The following CCDC158 variants were observed in gnomAD, a reference collection of about 807,000 sequenced individuals.
CCDC158 encodes coiled-coil domain containing 158.
In CCDC158, 116 loss-of-function variants were observed where a neutral mutation model predicts 138.6. The ratio of observed to expected loss-of-function variants is 0.84; its 90% CI spans 0.72 to 0.98. CCDC158 has a LOEUF of 0.98. Ranked by LOEUF, CCDC158 falls within the 50% of genes least tolerant of loss-of-function variation. The pLI, the probability that CCDC158 is intolerant of heterozygous loss-of-function variation, is 0.00. For synonymous variants in CCDC158, 436 were observed against 442.4 expected, an observed-to-expected ratio of 0.99 and a Z score of 0.18; for missense variants, 1,265 against 1,306.1, an observed-to-expected ratio of 0.97 and a Z score of 0.48.
At chr4:76,371,281 T>A (rs1043382015) in intron 10 of CCDC158, 136 bp downstream of exon 10, 37 of 833,084 alleles carry the variant, frequency 4.4e-5, no homozygotes, top group Non-Finnish European at 6.4e-5. Context: ...TTGAATTGTG[T>A]CTAAAATAAT....
At chr4:76,402,445 C>T (rs1262063391) in intron 3 of CCDC158, among the ~76,000 whole-genome samples, 1 of 152,214 alleles carries the variant, frequency 6.6e-6, no homozygotes, top group African/African-American at 2.4e-5. Flanking sequence ...CGTGGTTCTA[C>T]CTCTAGCTTC....
intron 16 of CCDC158, 133 bp from the exon 17 acceptor site, chr4:76,351,945 C>T: frequency 1.7e-6 from 1 of 605,170 alleles, no homozygotes; most frequent in South Asian, 2.2e-5. Flanking sequence ...TTACAATGAT[C>T]TATTTATCTG....
intron 21 of CCDC158, among the ~76,000 whole-genome samples, chr4:76,329,353 A>G (rs1720811805): frequency 6.6e-6 from 1 of 152,132 alleles, no homozygotes. Context: ...TCGGAGGCTG[A>G]CGCAGGTGGA....
chr4:76,409,989 G>A (rs1729165997), intron 2 of CCDC158, among the ~76,000 whole-genome samples: 1 of 151,856 alleles, frequency 6.6e-6, no homozygotes, highest in African/African-American at 2.4e-5. Flanking sequence ...CTTAGGCTTT[G>A]TTATATAGCT....
At chr4:76,395,168 C>T (rs1357183532) in intron 4 of CCDC158, among the ~76,000 whole-genome samples, 1 of 152,096 alleles carries the variant, frequency 6.6e-6, no homozygotes. Context: ...TCATTAGTGC[C>T]TCTGTGCTTC....
At chr4:76,381,688 T>G (rs1314817364) in intron 8 of CCDC158, among the ~76,000 whole-genome samples, 2 of 152,182 alleles carry the variant, frequency 1.3e-5, no homozygotes, top group East Asian at 3.8e-4. Flanking sequence ...TAATTATATT[T>G]TTTTTATTTT....
At position 76,351,016 on chromosome 4, in the gene CCDC158, T is replaced by C; in HGVS notation, c.2644A>G (p.Thr882Ala). ...SHSNVPSSQS[T>A]ASFLSHHSTK... ...CTTACATGAGACAGGAAGCTGGCTG[T>C]AGACTGCGAAGATGGTACATTAGAA... The change falls in exon 18 of 25, where the codon ACA becomes GCA. Residue 882 changes from threonine to alanine, a missense_variant. Thr to Ala is a moderately conservative substitution (Grantham distance 58, BLOSUM62 0). Coordinates refer to ENST00000682701, the MANE Select transcript of CCDC158 (RefSeq NM_001394954.1). The C allele has an allele frequency of 6.2e-7, 1 of 1,613,914 alleles. No individual in the cohort carries two copies. Among genetic ancestry groups the C allele is most frequent in the Non-Finnish European group, 8.5e-7 (1 of 1,179,850 alleles).
At chr4:76,378,326 A>T (rs1005865529) in intron 9 of CCDC158, among the ~76,000 whole-genome samples, 2 of 152,184 alleles carry the variant, frequency 1.3e-5, no homozygotes, top group African/African-American at 4.8e-5. Context: ...TTCATTTTAT[A>T]AAGGGAGTAT....
chr4:76,366,702 G>A lies in CCDC158; in HGVS notation c.1830+592C>T, dbSNP rs969110300. On this transcript the variant is annotated intron_variant, in intron 12 of 24. Coordinates refer to ENST00000682701, the MANE Select transcript of CCDC158 (RefSeq NM_001394954.1). ...CCAGGTTTTAACAGGTACAAATAAA[G>A]TATGAGAAAGTTCAGAAGGAGACCA... is the stretch of plus-strand genomic sequence containing the variant. Among the ~76,000 whole-genome samples the A allele has an allele frequency of 2.6e-5, 4 of 151,580 alleles. No homozygotes were observed. In the South Asian group the frequency reaches 8.3e-4, roughly 32 times the overall value.
chr4:76,322,276 GC>G (rs1228191766), intron 24 of CCDC158, among the ~76,000 whole-genome samples: 6 of 152,138 alleles, frequency 3.9e-5, no homozygotes, highest in Admixed American at 2.0e-4. Context: ...ATTTGCTAAA[GC>G]CTTACTATAT....
chr4:76,409,696 T>C (rs552619008), intron 2 of CCDC158, among the ~76,000 whole-genome samples: 1 of 152,128 alleles, frequency 6.6e-6, no homozygotes, highest in African/African-American at 2.4e-5. Flanking sequence ...CCAGGTGTGG[T>C]GGCGGGCGCC....
chr4:76,327,350 C>A (rs906858071), intron 22 of CCDC158, among the ~76,000 whole-genome samples: 3 of 152,078 alleles, frequency 2.0e-5, no homozygotes, highest in African/African-American at 7.2e-5. Flanking sequence ...AATATAGTTA[C>A]AATTAACAAT....
At chr4:76,414,147 G>T (rs1490402555) in intron 1 of CCDC158, 1 of 152,128 alleles carries the variant, frequency 6.6e-6, no homozygotes, top group Non-Finnish European at 1.5e-5. Flanking sequence ...GAACTCCAGG[G>T]ATCTGTCTGT....
At chr4:76,350,855 T>C (rs746438006) in intron 18 of CCDC158, 141 bp downstream of exon 18, 6 of 685,484 alleles carry the variant, frequency 8.8e-6, no homozygotes, top group African/African-American at 1.9e-5. Context: ...ATTGAATTTA[T>C]AGGAAAATGT....
chr4:76,396,901 C>T (rs923012035), intron 3 of CCDC158, among the ~76,000 whole-genome samples: 7 of 152,008 alleles, frequency 4.6e-5, no homozygotes, highest in African/African-American at 1.5e-4. Flanking sequence ...TATTGAACCC[C>T]GAAGAAGCTC....
rs3041129 is a variant in CCDC158, at chr4:76,357,991, G to GCACA, written c.2021-469_2021-466dup. On this transcript the variant is annotated intron_variant, in intron 13 of 24. Transcript: ENST00000682701. ...GATATACTACAATACACACATGTGT[G>GCACA]CACACACACACACACACACATATTT... Among the ~76,000 whole-genome samples the GCACA allele has an allele frequency of 4.4e-3, 654 of 148,754 alleles. 2 individuals are homozygous for GCACA. The highest frequency in any genetic ancestry group is 0.012 in the South Asian group (56 of 4,716).
intron 11 of CCDC158, 100 bp from the exon 12 acceptor site, chr4:76,367,876 G>A: frequency 2.6e-6 from 3 of 1,157,778 alleles, no homozygotes; most frequent in Non-Finnish European, 3.6e-6. Context: ...TCATGAATTA[G>A]GCAATGTTTA....
chr4:76,397,755 T>A (rs753528143), intron 3 of CCDC158, among the ~76,000 whole-genome samples: 1 of 152,254 alleles, frequency 6.6e-6, no homozygotes, highest in Non-Finnish European at 1.5e-5. Context: ...TTCTAACTTA[T>A]GATTTTTAAA....
At position 76,369,632 on chromosome 4, in the gene CCDC158, A is replaced by G. The variant is rs201324275; in HGVS notation, c.1150-9T>C. 3 of 1,602,140 alleles carry G rather than the reference A, an allele frequency of 1.9e-6. No individual in the cohort carries two copies. Among genetic ancestry groups the G allele is most frequent in the African/African-American group, 1.4e-5 (1 of 71,918 alleles). Reference sequence around the variant, plus strand: ...CTTTTGTGTAGATCAGCCTAAAAAAAGAGAGGAATGCTTTTTTCCTCCCTG... The same window carrying G: ...CTTTTGTGTAGATCAGCCTAAAAAAGGAGAGGAATGCTTTTTTCCTCCCTG... On this transcript the variant is annotated splice_polypyrimidine_tract_variant and intron_variant, in intron 10 of 24. Transcript: ENST00000682701.
Sources: gnomAD v4.1 joint callset for allele counts (sites outside exome capture counted in the v4.1 genomes callset) on GRCh38, gnomAD v4.1.1 for gene constraint, MANE v1.5 for transcripts, NCBI Gene and HGNC (gene_info 2026-07-23, HGNC 2026-07-21) for gene names.